The following TMEM132E variants were observed in gnomAD, a reference collection of about 807,000 sequenced individuals.
TMEM132E encodes the protein transmembrane protein 132E.
In TMEM132E, 49 loss-of-function variants were observed where a neutral mutation model predicts 78.5. The ratio of observed to expected loss-of-function variants is 0.62; its 90% CI spans 0.50 to 0.79. The LOEUF (loss-of-function observed/expected upper bound fraction) is 0.79, where lower values mean the gene tolerates loss of function less well. Ranked by LOEUF, TMEM132E falls within the 30% of genes least tolerant of loss-of-function variation. TMEM132E has a pLI of 0.00. For synonymous variants in TMEM132E, 715 were observed against 670.6 expected (o/e 1.07, Z -1.02); for missense variants, 1,403 against 1,470.9 (o/e 0.95, Z 0.75).
chr17:34,617,738 C>A (rs73284073), intron 1 of TMEM132E, among the ~76,000 whole-genome samples: 1 of 152,124 alleles, frequency 6.6e-6, no homozygotes, highest in Non-Finnish European at 1.5e-5. Flanking sequence ...CAAAGCCAAA[C>A]GGGCTCTTTC....
intron 1 of TMEM132E, among the ~76,000 whole-genome samples, chr17:34,582,361 T>C (rs1905522037): frequency 6.6e-6 from 1 of 151,994 alleles, no homozygotes; most frequent in Non-Finnish European, 1.5e-5. Flanking sequence ...ACCAGCGGCC[T>C]CTTTCACCCT....
rs1905423922 is a variant in TMEM132E, at chr17:34,580,428, A to G, written c.-649A>G. ...AAACATCTGGCCGCCCGCCTCGGGC[A>G]TCCGGTCTGGGCGTCGCCTAGGGTG... On this transcript the variant is annotated 5_prime_UTR_variant, in exon 1 of 9. Coordinates refer to ENST00000631683, the MANE Select transcript of TMEM132E (RefSeq NM_001304438.2). 1 of 152,364 alleles carries G rather than the reference A, an allele frequency of 6.6e-6. No homozygotes were observed. The highest frequency in any genetic ancestry group is 6.5e-5 in the Admixed American group (1 of 15,292). 9.4% of individuals were successfully genotyped at this position (152,364 alleles called of 1,614,324 possible). A position where few individuals can be genotyped will look rare whatever the true frequency, so the allele number is the denominator to read the frequency against.
chr17:34,583,510 C>A (rs775937297), intron 1 of TMEM132E, among the ~76,000 whole-genome samples: 7 of 152,232 alleles, frequency 4.6e-5, no homozygotes, highest in Non-Finnish European at 7.3e-5. Flanking sequence ...ACCCACGTAG[C>A]CACCCCTTCC....
chr17:34,596,853 CAAAAAAAAAA>C (rs35038070), intron 1 of TMEM132E, among the ~76,000 whole-genome samples: 2 of 72,370 alleles, frequency 2.8e-5, no homozygotes, highest in South Asian at 1.1e-3. Flanking sequence ...CTAAGTAGCT[CAAAAAAAAAA>C]AAAAAAAAAA....
At chr17:34,594,521 T>G (rs1205724489) in intron 1 of TMEM132E, among the ~76,000 whole-genome samples, 1 of 152,248 alleles carries the variant, frequency 6.6e-6, no homozygotes, top group African/African-American at 2.4e-5. Context: ...AATGAGTTAA[T>G]GCATGTAAAG....
chr17:34,606,409 A>G (rs1407617987), intron 1 of TMEM132E, among the ~76,000 whole-genome samples: 2 of 152,242 alleles, frequency 1.3e-5, no homozygotes, highest in Non-Finnish European at 2.9e-5. Flanking sequence ...ACACAGGAAG[A>G]GAGTAGTCCA....
intron 1 of TMEM132E, among the ~76,000 whole-genome samples, chr17:34,601,314 A>G (rs1047510573): frequency 6.6e-6 from 1 of 152,156 alleles, no homozygotes; most frequent in Admixed American, 6.5e-5. Flanking sequence ...AGCCTTTCCC[A>G]GTGAATCCCT....
At chr17:34,607,191 A>C (rs1906441962) in intron 1 of TMEM132E, among the ~76,000 whole-genome samples, 1 of 152,188 alleles carries the variant, frequency 6.6e-6, no homozygotes. Context: ...TTATGCACTG[A>C]TCTTAGCTCT....
chr17:34,595,264 TA>T (rs1385795737), intron 1 of TMEM132E, among the ~76,000 whole-genome samples: 10 of 152,250 alleles, frequency 6.6e-5, no homozygotes, highest in Non-Finnish European at 1.3e-4. Flanking sequence ...TTTTGTTCCC[TA>T]AACTTCAGTC....
At chr17:34,601,908 A>G (rs1345169366) in intron 1 of TMEM132E, among the ~76,000 whole-genome samples, 1 of 152,140 alleles carries the variant, frequency 6.6e-6, no homozygotes, top group African/African-American at 2.4e-5. Context: ...TCCACAGATG[A>G]GCAATTAGGG....
Position 34,637,655 on chromosome 17 carries a change from G to A in TMEM132E, c.2648G>A (p.Gly883Asp). ...ACCGGCTTCCTGCAGGTGCCACGGG[G>A]TCTGACAGACCTGGAGATCGGCATG... The part of the protein sequence containing the change: ...LPTGFLQVPR[G>D]LTDLEIGMYA... Residue 883 changes from glycine to aspartate, a missense_variant, in exon 9 of 9, where the codon GGT becomes GAT. By Grantham distance (94) the Gly-to-Asp change is moderately conservative. This residue lies in a region of TMEM132E where 888 missense variants were observed against 952.8 expected (regional missense o/e 0.93). Coordinates refer to ENST00000631683, the MANE Select transcript of TMEM132E (RefSeq NM_001304438.2). The A allele has an allele frequency of 6.2e-7, 1 of 1,608,634 alleles. No homozygotes were observed.
intron 1 of TMEM132E, among the ~76,000 whole-genome samples, chr17:34,596,477 G>A (rs921131847): frequency 2.0e-5 from 3 of 152,102 alleles, no homozygotes; most frequent in African/African-American, 7.2e-5. Context: ...GTGTCATAGA[G>A]GATGTGTCAC....
chr17:34,619,249 G>A (rs959435931), intron 1 of TMEM132E, among the ~76,000 whole-genome samples: 2 of 151,434 alleles, frequency 1.3e-5, no homozygotes, highest in East Asian at 1.9e-4. Context: ...TATGGGCCAG[G>A]CACTGTTCTA....
At position 34,636,025 on chromosome 17, in the gene TMEM132E, G is replaced by T; in HGVS notation, c.1996G>T (p.Glu666Ter). ...TPFKVVSPLTEAVLGETLLTV... is the reference protein window; with the variant it reads ...TPFKVVSPLT Reference sequence around the variant, plus strand: ...GCCTCAGGTGGTGTCTCCGCTGACGGAGGCTGTGCTCGGGGAGACGCTGCT... The same window carrying T: ...GCCTCAGGTGGTGTCTCCGCTGACGTAGGCTGTGCTCGGGGAGACGCTGCT... Residue 666 changes from glutamate (E) to a stop codon, truncating the protein, a stop_gained, in exon 8 of 9, where the codon GAG becomes TAG. Transcript: ENST00000631683. LOFTEE classifies it high-confidence loss of function. 6.6e-7 allele frequency: 1 copy of T among 1,519,600 alleles called. No individual in the cohort carries two copies. The highest frequency in any genetic ancestry group is 8.8e-7 in the Non-Finnish European group (1 of 1,135,634). The allele number at this position is 1,519,600 out of a possible 1,614,324, so 94.1% of individuals were successfully genotyped here.
At position 34,613,209 on chromosome 17, in the gene TMEM132E, A is replaced by ACGCGCGCGCGCG. The variant is rs1383529235; in HGVS notation, c.68-12917_68-12916insGCGCGCGCGCGC. Among the ~76,000 whole-genome samples, 221 of 63,566 alleles carry ACGCGCGCGCGCG rather than the reference A, an allele frequency of 3.5e-3. 1 individual carries two copies. The highest frequency in any genetic ancestry group is 6.5e-3 in the Non-Finnish European group (164 of 25,222). 41.7% of individuals were successfully genotyped at this position (63,566 alleles called of 152,430 possible). On this transcript the variant is annotated intron_variant, in intron 1 of 8. Coordinates refer to ENST00000631683, the MANE Select transcript of TMEM132E (RefSeq NM_001304438.2). ...CACACACACACACCCACACACACACACACGCGCGCGCGCGCGCGTTCTTAC... is the reference window on the plus strand; with the variant it reads ...CACACACACACACCCACACACACACACGCGCGCGCGCGCACGCGCGCGCGCGCGCGTTCTTAC...
At chr17:34,616,481 C>T (rs981268263) in intron 1 of TMEM132E, among the ~76,000 whole-genome samples, 11 of 152,206 alleles carry the variant, frequency 7.2e-5, no homozygotes, top group African/African-American at 2.2e-4. Context: ...ATGTATTCCC[C>T]GGCTACATGT....
At position 34,629,147 on chromosome 17, in the gene TMEM132E, A is replaced by G; in HGVS notation, c.1281A>G (p.Ala427=). The change falls in exon 4 of 9, where the codon GCA becomes GCG. Residue 427 remains alanine (A), a synonymous_variant. Coordinates refer to ENST00000631683, the MANE Select transcript of TMEM132E (RefSeq NM_001304438.2). Reference sequence around the variant, plus strand: ...GCGCCCTGCCTGACCTGGAGCGGGCAGTCACTGAGCTGACGGTCATTCAGC... The same window carrying G: ...GCGCCCTGCCTGACCTGGAGCGGGCGGTCACTGAGCTGACGGTCATTCAGC... The part of the protein sequence containing the change: ...GHGALPDLER[A]VTELTVIQRD... The G allele has an allele frequency of 3.1e-6, 5 of 1,614,090 alleles. No homozygotes were observed. Among genetic ancestry groups the G allele is most frequent in the Non-Finnish European group, 4.2e-6 (5 of 1,179,966 alleles).
At chr17:34,615,306 A>C (rs952543102) in intron 1 of TMEM132E, among the ~76,000 whole-genome samples, 4 of 151,688 alleles carry the variant, frequency 2.6e-5, no homozygotes, top group African/African-American at 9.7e-5. Flanking sequence ...TCTTTCATTC[A>C]CCAATCTGTA....
rs772541435 is a variant in TMEM132E at position 34,626,231 on chromosome 17, C to T, written c.172C>T (p.Leu58=). 1 of 1,590,552 alleles carries T rather than the reference C, an allele frequency of 6.3e-7. No homozygotes were observed. The highest frequency in any genetic ancestry group is 1.3e-5 in the African/African-American group (1 of 74,700). Reference sequence around the variant, plus strand: ...GTCGCACACGCGGCTGGCCTTCTTCCTGCGGGAGGCGCGGCCCCCGTCACC... The same window carrying T: ...GTCGCACACGCGGCTGGCCTTCTTCTTGCGGGAGGCGCGGCCCCCGTCACC... ...RLSHTRLAFF[L]REARPPSPAV... Residue 58 remains leucine (L), a synonymous_variant, in exon 2 of 9, where the codon CTG becomes TTG. Transcript: ENST00000631683.
Sources: gnomAD v4.1 joint callset for allele counts (sites outside exome capture counted in the v4.1 genomes callset) on GRCh38, gnomAD v4.1.1 for gene constraint, gnomAD v4.1.1 regional missense constraint, MANE v1.5 for transcripts, NCBI Gene and HGNC (gene_info 2026-07-23, HGNC 2026-07-21) for gene names.